Variants in CLDN16 observed in about 807,000 individuals in gnomAD.
CLDN16 encodes claudin 16.
Under a neutral mutation model 24.6 loss-of-function variants are expected in CLDN16, and 13 were observed. That is an observed-to-expected ratio of 0.53 (90% CI 0.34 to 0.84). The LOEUF (loss-of-function observed/expected upper bound fraction) is 0.84, where lower values mean the gene tolerates loss of function less well. CLDN16 is among the 40% of genes least tolerant of loss of function. The probability of loss-of-function intolerance (pLI) is 0.01; values close to 1 mark genes in which losing one functional copy is unlikely to be tolerated. For missense variants in CLDN16, 298 were observed against 292.7 expected, an observed-to-expected ratio of 1.02 and a Z score of -0.13; for synonymous variants, 116 against 106.7, an observed-to-expected ratio of 1.09 and a Z score of -0.54.
chr3:190,356,679 C>G lies in CLDN16; in HGVS notation n.122-14214C>G, dbSNP rs188329736. Among the ~76,000 whole-genome samples, 568 of 151,908 alleles carry G rather than the reference C, an allele frequency of 3.7e-3. 2 individuals are homozygous for G. Among genetic ancestry groups the G allele is most frequent in the African/African-American group, 0.013 (547 of 41,486 alleles). ...TTCAATGAGTGATATTGAGATAGCT[C>G]TCTATTTTGAAGAAATAAAGTTTTA... On this transcript the variant is annotated intron_variant and non_coding_transcript_variant, in intron 1 of 4. Coordinates refer to the CLDN16 transcript ENST00000468220.
At chr3:190,409,095 A>T (rs116190168) in intron 4 of CLDN16, among the ~76,000 whole-genome samples, 1 of 151,318 alleles carries the variant, frequency 6.6e-6, no homozygotes, top group African/African-American at 2.4e-5. Context: ...ATTGTAATTC[A>T]GTTGCCCTTG....
rs1332099311 is a variant in CLDN16 at position 190,402,453 on chromosome 3, A to T, written c.217+14A>T. 2.5e-6 allele frequency: 4 copies of T among 1,577,206 alleles called. No homozygotes were observed. Among genetic ancestry groups the T allele is most frequent in the Non-Finnish European group, 3.5e-6 (4 of 1,146,510 alleles). ...CGGAGCATCCCTGTACGTATGCCTTAGAGCTCACTGCTTGCCAGGAAGGGA... is the reference window on the plus strand; with the variant it reads ...CGGAGCATCCCTGTACGTATGCCTTTGAGCTCACTGCTTGCCAGGAAGGGA... On this transcript the variant is annotated intron_variant, in intron 2 of 4. Coordinates refer to ENST00000264734, the MANE Select transcript of CLDN16 (RefSeq NM_006580.4).
At chr3:190,327,086 G>A (rs1055013239) in intron 1 of CLDN16, among the ~76,000 whole-genome samples, 18 of 152,116 alleles carry the variant, frequency 1.2e-4, no homozygotes, top group African/African-American at 4.3e-4. Context: ...GAGAGACAGA[G>A]ATTTATTATA....
At chr3:190,358,386 C>A (rs958768632) in intron 1 of CLDN16, among the ~76,000 whole-genome samples, 1 of 151,910 alleles carries the variant, frequency 6.6e-6, no homozygotes, top group Non-Finnish European at 1.5e-5. Context: ...TCCAATTCAG[C>A]AGCTTTCAAG....
At position 190,343,335 on chromosome 3, in the gene CLDN16, G is replaced by A. The variant is rs571740637; in HGVS notation, n.121+20674G>A. On this transcript the variant is annotated intron_variant and non_coding_transcript_variant, in intron 1 of 4. Transcript: ENST00000468220. ...AATGTTGATCAGGGTGTGGAAGAAAGGGAAGCCTTGTACACTTTTGGGAAT... is the reference window on the plus strand; with the variant it reads ...AATGTTGATCAGGGTGTGGAAGAAAAGGAAGCCTTGTACACTTTTGGGAAT... Among the ~76,000 whole-genome samples, 5 of 152,124 alleles carry A rather than the reference G, an allele frequency of 3.3e-5. No individual in the cohort carries two copies. The South Asian group carries it at 1.0e-3, about 32-fold the overall frequency.
At chr3:190,394,683 C>A (rs1484097297) in intron 1 of CLDN16, among the ~76,000 whole-genome samples, 1 of 151,978 alleles carries the variant, frequency 6.6e-6, no homozygotes, top group African/African-American at 2.4e-5. Flanking sequence ...GTTGATAGAG[C>A]GCCTAGTAAC....
chr3:190,355,889 G>A (rs1211519901), intron 1 of CLDN16, among the ~76,000 whole-genome samples: 2 of 150,374 alleles, frequency 1.3e-5, no homozygotes, highest in African/African-American at 2.5e-5. Flanking sequence ...TTTTTTGTTT[G>A]TTGGTTGGTT....
the CLDN16 span, among the ~76,000 whole-genome samples, chr3:190,294,155 G>T: frequency 1.5e-4 from 23 of 152,130 alleles, no homozygotes; most frequent in Non-Finnish European, 3.1e-4. Flanking sequence ...GCAGAGTTTT[G>T]TGCTTGTATT....
intron 1 of CLDN16, among the ~76,000 whole-genome samples, chr3:190,356,397 A>G (rs1351549095): frequency 6.6e-6 from 1 of 151,842 alleles, no homozygotes; most frequent in Non-Finnish European, 1.5e-5. Flanking sequence ...ATATACACAA[A>G]GCATACATAC....
At chr3:190,344,354 GTAT>G (rs1717505717) in intron 1 of CLDN16, among the ~76,000 whole-genome samples, 1 of 151,534 alleles carries the variant, frequency 6.6e-6, no homozygotes, top group South Asian at 2.1e-4. Flanking sequence ...TTCACTACTG[GTAT>G]TAAAAGTACT....
At chr3:190,384,856 A>G (rs1218924025), upstream of CLDN16, among the ~76,000 whole-genome samples, 2 of 152,182 alleles carry the variant, frequency 1.3e-5, no homozygotes, top group East Asian at 1.9e-4. Context: ...ATGAGATAAT[A>G]TATCTGAAAA....
chr3:190,400,244 T>C (rs1280041586), intron 1 of CLDN16, among the ~76,000 whole-genome samples: 2 of 152,074 alleles, frequency 1.3e-5, no homozygotes, highest in African/African-American at 4.8e-5. Flanking sequence ...GGTTTTTTTT[T>C]CTGTTTGTTT....
At chr3:190,394,328 T>A (rs1284068110) in intron 1 of CLDN16, among the ~76,000 whole-genome samples, 1 of 152,184 alleles carries the variant, frequency 6.6e-6, no homozygotes, top group African/African-American at 2.4e-5. Flanking sequence ...CTTTGTTAAT[T>A]ATTTATTGAG....
At chr3:190,333,378 A>G (rs1483730515) in intron 1 of CLDN16, among the ~76,000 whole-genome samples, 1 of 152,172 alleles carries the variant, frequency 6.6e-6, no homozygotes, top group Non-Finnish European at 1.5e-5. Context: ...CACTGTAAGT[A>G]TGTTAACAAA....
the CLDN16 span, chr3:190,305,784 C>G: frequency 1.3e-5 from 2 of 152,142 alleles, no homozygotes; most frequent in African/African-American, 4.8e-5. Flanking sequence ...CCCAAAATGT[C>G]TATTGGTCTG....
At chr3:190,292,320 C>G in the CLDN16 span, among the ~76,000 whole-genome samples, 1 of 152,200 alleles carries the variant, frequency 6.6e-6, no homozygotes, top group Non-Finnish European at 1.5e-5. Context: ...CTTACACCTT[C>G]TGAAACGATG....
chr3:190,392,059 CTT>C (rs35220103), intron 1 of CLDN16, among the ~76,000 whole-genome samples: 46 of 125,992 alleles, frequency 3.7e-4, no homozygotes, highest in Admixed American at 5.9e-4. Flanking sequence ...CCTTTTCAGT[CTT>C]TTTTTTTTTT....
chr3:190,355,448 C>T (rs899172575), intron 1 of CLDN16, among the ~76,000 whole-genome samples: 1 of 151,876 alleles, frequency 6.6e-6, no homozygotes, highest in African/African-American at 2.4e-5. Flanking sequence ...GTTCTATCGA[C>T]TCTATTTTTC....
the CLDN16 span, among the ~76,000 whole-genome samples, chr3:190,311,516 G>A: frequency 3.0e-4 from 45 of 152,032 alleles, no homozygotes; most frequent in Admixed American, 2.4e-3. Flanking sequence ...GCCCCTACAA[G>A]TCTTCTGTCA....
Sources: gnomAD v4.1 joint callset for allele counts (sites outside exome capture counted in the v4.1 genomes callset) on GRCh38, gnomAD v4.1.1 for gene constraint, MANE v1.5 for transcripts, NCBI Gene and HGNC (gene_info 2026-07-23, HGNC 2026-07-21) for gene names.